The following MORN1 variants were observed in gnomAD, a reference collection of about 807,000 sequenced individuals.
The protein encoded by MORN1 is MORN repeat containing 1.
A neutral mutation model predicts 61.9 loss-of-function variants in MORN1; 67 were observed. The observed-to-expected ratio is 1.08, with a 90% confidence interval of 0.89 to 1.33. The LOEUF (loss-of-function observed/expected upper bound fraction) is 1.33. Ranked by LOEUF, MORN1 falls within the 40% of genes most tolerant of loss-of-function variation. The probability of loss-of-function intolerance (pLI) is 0.00; values close to 1 mark genes in which losing one functional copy is unlikely to be tolerated. For missense variants in MORN1, 752 were observed against 691.2 expected (o/e 1.09, Z -0.99); for synonymous variants, 301 against 292.0 (o/e 1.03, Z -0.31).
rs1642140040 is a variant in MORN1, at chr1:2,372,305, C to T, written c.745+176G>A. ...TGCTTGCACACACACCCAAGGCTGC[C>T]CTGACTGGCAGGGAAGCTGGCACAC... is the stretch of plus-strand genomic sequence containing the variant. On this transcript the variant is annotated intron_variant, in intron 8 of 13. Coordinates refer to ENST00000378531, the MANE Select transcript of MORN1 (RefSeq NM_024848.3). This position sits in a 1 kb window ranked among gnomAD's most constrained non-coding sequence, Gnocchi z 5.4. The T allele has an allele frequency of 3.4e-6, 2 of 590,004 alleles. No individual in the cohort carries two copies. Among genetic ancestry groups the T allele is most frequent in the African/African-American group, 1.9e-5 (1 of 53,592 alleles). The allele number at this position is 590,004 out of a possible 1,614,324, so 36.5% of individuals were successfully genotyped here.
chr1:2,388,649 C>A, intron 2 of MORN1: 1 of 315,256 alleles, frequency 3.2e-6, no homozygotes, highest in Non-Finnish European at 6.0e-6. Context: ...TGTGGTGGTA[C>A]GTGTTTGTGG....
At chr1:2,378,776 C>T (rs1353283078) in intron 6 of MORN1, 3 of 371,544 alleles carry the variant, frequency 8.1e-6, no homozygotes, top group Non-Finnish European at 1.6e-5. Flanking sequence ...CCCAAGCCCT[C>T]GGGTCCTGGG....
chr1:2,326,522 G>T, intron 12 of MORN1: 1 of 152,382 alleles, frequency 6.6e-6, no homozygotes, highest in Non-Finnish European at 1.5e-5. Flanking sequence ...CAGGCCCGAG[G>T]CCAGTGTCCA....
intron 10 of MORN1, among the ~76,000 whole-genome samples, chr1:2,348,720 G>GGCACACACACACAC (rs1553212653): frequency 1.6e-5 from 2 of 124,146 alleles, no homozygotes; most frequent in Non-Finnish European, 3.5e-5. Flanking sequence ...CACCTGCGCG[G>GGCACACACACACAC]GCACGCACAC....
Position 2,321,518 on chromosome 1 carries a change from G to T in MORN1, c.1359C>A (p.Pro453=). The T allele has an allele frequency of 6.5e-7, 1 of 1,535,312 alleles. No individual in the cohort carries two copies. The highest frequency in any genetic ancestry group is 2.4e-5 in the East Asian group (1 of 41,330). ...TTPPFLGRRL[P]PAFKHLRVVA... ...CGACCCGCAGGTGTTTGAAGGCCGG[G>T]GGCAGCCTGCGCCCCAGGAACGGCG... Residue 453 remains proline, a synonymous_variant, in exon 14 of 14, where the codon CCC becomes CCA. Transcript: ENST00000378531.
At chr1:2,384,912 C>T in intron 6 of MORN1, 66 bp downstream of exon 6, 1 of 1,393,988 alleles carries the variant, frequency 7.2e-7, no homozygotes, top group Non-Finnish European at 9.7e-7. Context: ...CCCATACACC[C>T]CACGCGCCCT....
intron 1 of MORN1, chr1:2,390,377 G>A: frequency 1.0e-6 from 1 of 970,418 alleles, no homozygotes; most frequent in Non-Finnish European, 1.2e-6. Context: ...GTGTCAGTGA[G>A]GCACACAGGG....
chr1:2,362,124 C>T (rs576863665), intron 8 of MORN1, among the ~76,000 whole-genome samples: 6 of 151,600 alleles, frequency 4.0e-5, no homozygotes, highest in East Asian at 1.9e-4. Context: ...CCCAGCTACT[C>T]GGGAGGCTGA....
intron 10 of MORN1, chr1:2,351,767 G>A (rs966262513): frequency 1.8e-6 from 1 of 559,858 alleles, no homozygotes; most frequent in South Asian, 1.5e-5. Flanking sequence ...CAAAAGCCTT[G>A]AAGGTGCCAA....
intron 10 of MORN1, among the ~76,000 whole-genome samples, chr1:2,346,442 G>A (rs886202918): frequency 2.2e-4 from 33 of 152,136 alleles, no homozygotes; most frequent in African/African-American, 6.3e-4. Context: ...ATGGAGTGCC[G>A]TGGCGCATTC....
chr1:2,342,882 T>TTTTATTTTATTTTATTTTA (rs1557873818), intron 10 of MORN1, among the ~76,000 whole-genome samples: 11 of 97,708 alleles, frequency 1.1e-4, no homozygotes, highest in African/African-American at 2.9e-4. Flanking sequence ...TTTTATTTTA[T>TTTTATTTTATTTTATTTTA]TTTATTTTAT....
At position 2,340,761 on chromosome 1, in the gene MORN1, G is replaced by A. The variant is rs148376067; in HGVS notation, c.1037-3911C>T. Among the ~76,000 whole-genome samples the A allele has an allele frequency of 4.4e-3, 675 of 152,130 alleles. 7 individuals are homozygous for A. The highest frequency in any genetic ancestry group is 0.015 in the African/African-American group (607 of 41,512). ...GACACCAGACTGCCACACAGGCCAC[G>A]GCGAGGGCCGCCACACAGGCCACCA... is the stretch of plus-strand genomic sequence containing the variant. On this transcript the variant is annotated intron_variant, in intron 10 of 13. Transcript: ENST00000378531.
chr1:2,348,311 G>A (rs1241619610), intron 10 of MORN1, among the ~76,000 whole-genome samples: 4 of 152,214 alleles, frequency 2.6e-5, no homozygotes, highest in African/African-American at 9.6e-5. Flanking sequence ...TTTCATGGAT[G>A]GCTCTGCTCA....
At chr1:2,323,730 A>C in intron 13 of MORN1, 1 of 985,276 alleles carries the variant, frequency 1.0e-6, no homozygotes, top group Non-Finnish European at 1.2e-6. Context: ...GCTGGGGAGC[A>C]GCTCCTCATG....
intron 8 of MORN1, among the ~76,000 whole-genome samples, chr1:2,368,504 TA>T (rs942919637): frequency 2.6e-5 from 4 of 152,180 alleles, no homozygotes; most frequent in African/African-American, 9.7e-5. Context: ...ATGGTGATGG[TA>T]AACTGGCATG....
In MORN1 at chr1:2,325,130, CCTT is replaced by C. The variant is rs1557865204; in HGVS notation, c.1251-990_1251-988del. ...TTTCCTTCCCTTCCTTCCCTTCCTT[CCTT>C]CCCTCCCTCCCTCCCTTCCTTCCCT... On this transcript the variant is annotated intron_variant, in intron 12 of 13. Transcript: ENST00000378531. Among the ~76,000 whole-genome samples the C allele has an allele frequency of 1.3e-3, 91 of 69,008 alleles. 4 individuals carry two copies. Among genetic ancestry groups the C allele is most frequent in the African/African-American group, 6.7e-3 (61 of 9,162 alleles). 45.3% of individuals were successfully genotyped at this position (69,008 alleles called of 152,430 possible).
At position 2,372,575 on chromosome 1, in the gene MORN1, G is replaced by C; in HGVS notation, c.651C>G (p.Ile217Met). 4 of 1,613,294 alleles carry C rather than the reference G, an allele frequency of 2.5e-6. No individual in the cohort carries two copies. The highest frequency in any genetic ancestry group is 3.4e-6 in the Non-Finnish European group (4 of 1,179,738). Residue 217 changes from isoleucine (I) to methionine (M), a missense_variant, in exon 8 of 14, where the codon ATC (isoleucine) becomes ATG (methionine). Ile to Met is a conservative substitution (Grantham distance 10, BLOSUM62 1). Coordinates refer to ENST00000378531, the MANE Select transcript of MORN1 (RefSeq NM_024848.3). The surrounding 1 kb of genome is among the most constrained non-coding windows in gnomAD (Gnocchi z 5.4). ...CCATCACCTCCGGACCCAAGATCAC[G>C]ATCCTCGTAGCTTGTTCTGGGAGAG... ...NGHPAEQATR[I>M]VILGPEVMEV... is the part of the protein sequence containing the mutation.
At chr1:2,322,121 G>A (rs938788861) in intron 13 of MORN1, 3 of 985,434 alleles carry the variant, frequency 3.0e-6, no homozygotes, top group Non-Finnish European at 3.6e-6. Context: ...CTGGAGGGCG[G>A]CCCTGCTGGG....
At chr1:2,354,860 G>A (rs1460940834) in intron 10 of MORN1, among the ~76,000 whole-genome samples, 2 of 152,188 alleles carry the variant, frequency 1.3e-5, no homozygotes, top group Admixed American at 6.5e-5. Flanking sequence ...GGCAGAGCTC[G>A]GCACCCAACT....
Sources: allele counts gnomAD v4.1 joint callset (sites outside exome capture counted in the v4.1 genomes callset), GRCh38; gene constraint gnomAD v4.1.1; non-coding constraint Gnocchi (gnomAD v3.1); transcripts MANE v1.5; gene names NCBI Gene and HGNC (gene_info 2026-07-23, HGNC 2026-07-21).